NCAPG2: variants seen among roughly 807,000 people sequenced by gnomAD.
The protein encoded by NCAPG2 is non-SMC condensin II complex subunit G2.
In NCAPG2, 53 loss-of-function variants were observed where a neutral mutation model predicts 141.1. The ratio of observed to expected loss-of-function variants is 0.38; its 90% CI spans 0.30 to 0.47. The LOEUF is 0.47. Among genes scored for constraint, NCAPG2 ranks in the 20% least tolerant of loss-of-function variants. The pLI is 0.99. For missense variants in NCAPG2, 1,087 were observed against 1,389.0 expected (o/e 0.78, Z 3.46); for synonymous variants, 499 against 490.7 (o/e 1.02, Z -0.22).
At chr7:158,644,216 T>C (rs2129457210) in intron 27 of NCAPG2, 73 bp downstream of exon 27, 1 of 1,283,594 alleles carries the variant, frequency 7.8e-7, no homozygotes, top group Admixed American at 1.7e-5. Context: ...GAAATGAAAA[T>C]ACAACCTCAT....
At chr7:158,668,547 C>T (rs1833449705) in intron 13 of NCAPG2, 2 of 608,784 alleles carry the variant, frequency 3.3e-6, no homozygotes, top group Admixed American at 6.3e-5. Context: ...AATAGTCCGG[C>T]AGTGTGGCCT....
chr7:158,704,286 C>G (rs1467467484), intron 1 of NCAPG2, among the ~76,000 whole-genome samples: 1 of 141,662 alleles, frequency 7.1e-6, no homozygotes, highest in Non-Finnish European at 1.5e-5. Flanking sequence ...CTGAGGGGGT[C>G]GCTCTCTGAG....
intron 1 of NCAPG2, among the ~76,000 whole-genome samples, chr7:158,702,560 G>A (rs1450404060): frequency 2.0e-5 from 3 of 152,076 alleles, no homozygotes; most frequent in Admixed American, 6.6e-5. Context: ...ATTCTATTTC[G>A]CATTCACAAT....
At chr7:158,658,709 A>G (rs1832219810) in intron 16 of NCAPG2, among the ~76,000 whole-genome samples, 1 of 152,266 alleles carries the variant, frequency 6.6e-6, no homozygotes, top group Admixed American at 6.5e-5. Flanking sequence ...AGCAGGATAA[A>G]CAAAATCATA....
chr7:158,660,395 A>AGCTT (rs1387628223), intron 16 of NCAPG2, among the ~76,000 whole-genome samples: 29 of 126,260 alleles, frequency 2.3e-4, no homozygotes, highest in African/African-American at 9.4e-4. Context: ...TCATTATTTC[A>AGCTT]GCTTTCTTTT....
chr7:158,659,347 G>GA (rs1832292041), intron 16 of NCAPG2, among the ~76,000 whole-genome samples: 1 of 129,246 alleles, frequency 7.7e-6, no homozygotes, highest in Non-Finnish European at 1.6e-5. Context: ...AAAAAAAAAA[G>GA]AAGAAAAAAA....
intron 22 of NCAPG2, among the ~76,000 whole-genome samples, chr7:158,653,806 C>T (rs901526543): frequency 2.0e-5 from 3 of 152,332 alleles, no homozygotes; most frequent in Non-Finnish European, 4.4e-5. Context: ...GAGGCTTTTA[C>T]AGATCTCAGT....
chr7:158,701,821 C>A lies in NCAPG2; in HGVS notation c.78+1G>T. On this transcript the variant is annotated splice_donor_variant, in intron 2 of 27. Transcript: ENST00000356309. LOFTEE classifies it high-confidence loss of function. ...CAACAAAACTAAAACATGAAACTTA[C>A]ATCAAGTTGAACAAATTGCAAAAAC... The A allele has an allele frequency of 2.5e-6, 4 of 1,611,470 alleles. No homozygotes were observed. Among genetic ancestry groups the A allele is most frequent in the Non-Finnish European group, 3.4e-6 (4 of 1,178,256 alleles).
intron 12 of NCAPG2, 58 bp downstream of exon 12, chr7:158,675,419 G>T: frequency 7.1e-7 from 1 of 1,408,638 alleles, no homozygotes; most frequent in East Asian, 2.6e-5. Context: ...TTCTTTTCCT[G>T]TTTTTCTAAT....
chr7:158,665,431 GCAGAA>G (rs1443695739), intron 13 of NCAPG2: 1 of 152,304 alleles, frequency 6.6e-6, no homozygotes, highest in Non-Finnish European at 1.5e-5. Context: ...AAAGAAAAAT[GCAGAA>G]CATGACAAAG....
At chr7:158,679,244 AG>A (rs1300642229) in intron 11 of NCAPG2, among the ~76,000 whole-genome samples, 3 of 152,264 alleles carry the variant, frequency 2.0e-5, no homozygotes, top group African/African-American at 7.2e-5. Context: ...GAAGCACCAC[AG>A]GCAACAGCAT....
At chr7:158,642,773 A>G (rs1424002028) in intron 27 of NCAPG2, among the ~76,000 whole-genome samples, 2 of 152,154 alleles carry the variant, frequency 1.3e-5, no homozygotes, top group African/African-American at 2.4e-5. Flanking sequence ...AATCTAGAGC[A>G]TAAATTAATA....
intron 19 of NCAPG2, 96 bp from the exon 20 acceptor site, chr7:158,655,551 G>A (rs771361706): frequency 8.3e-5 from 85 of 1,023,210 alleles, no homozygotes; most frequent in Non-Finnish European, 3.5e-5. Context: ...ATCCTCAGGC[G>A]AGCTGAAAAG....
intron 11 of NCAPG2, among the ~76,000 whole-genome samples, chr7:158,677,013 G>A (rs965262349): frequency 2.6e-5 from 4 of 152,090 alleles, no homozygotes; most frequent in Non-Finnish European, 4.4e-5. Context: ...CATCAGCCCC[G>A]AACCCAGAGC....
chr7:158,672,357 T>C (rs1478526654), intron 12 of NCAPG2, among the ~76,000 whole-genome samples: 3 of 101,842 alleles, frequency 2.9e-5, no homozygotes, highest in African/African-American at 1.1e-4. Context: ...TTTTTTTTTT[T>C]TTTGAGACGG....
At chr7:158,647,133 CTTG>C (rs1352454879) in intron 24 of NCAPG2, among the ~76,000 whole-genome samples, 7 of 152,176 alleles carry the variant, frequency 4.6e-5, no homozygotes, top group Non-Finnish European at 7.4e-5. Context: ...AAGTCTTTAT[CTTG>C]TTATCATCTA....
chr7:158,646,679 ATTATTT>A, intron 24 of NCAPG2, 116 bp from the exon 25 acceptor site: 1 of 634,612 alleles, frequency 1.6e-6, no homozygotes, highest in East Asian at 3.2e-5. Context: ...ATTCAAAAGA[ATTATTT>A]TTATTAACTG....
intron 25 of NCAPG2, 37 bp from the exon 26 acceptor site, chr7:158,645,656 C>T: frequency 6.4e-7 from 1 of 1,555,084 alleles, no homozygotes; most frequent in East Asian, 2.2e-5. Flanking sequence ...ATTACTGTAT[C>T]ATATAGACCC....
chr7:158,677,745 C>G (rs1291934555), intron 11 of NCAPG2, among the ~76,000 whole-genome samples: 1 of 152,170 alleles, frequency 6.6e-6, no homozygotes, highest in East Asian at 1.9e-4. Flanking sequence ...CAGAGAAGCA[C>G]TCAAAATGAC....
Sources: allele counts gnomAD v4.1 joint callset (sites outside exome capture counted in the v4.1 genomes callset), GRCh38; gene constraint gnomAD v4.1.1; transcripts MANE v1.5; gene names NCBI Gene and HGNC (gene_info 2026-07-23, HGNC 2026-07-21).